Variants in CTNND2 observed in about 807,000 individuals in gnomAD.
CTNND2 encodes the protein catenin delta-2.
A neutral mutation model predicts 144.4 loss-of-function variants in CTNND2; 22 were observed. The ratio of observed to expected loss-of-function variants is 0.15; its 90% CI spans 0.11 to 0.22. The LOEUF (loss-of-function observed/expected upper bound fraction) is 0.22. Ranked by LOEUF, CTNND2 falls within the 10% of genes least tolerant of loss-of-function variation. The probability of loss-of-function intolerance (pLI) is 1.00; values close to 1 mark genes in which losing one functional copy is unlikely to be tolerated. For synonymous variants in CTNND2, 751 were observed against 695.6 expected, an observed-to-expected ratio of 1.08 and a Z score of -1.25; for missense variants, 1,353 against 1,618.8, an observed-to-expected ratio of 0.84 and a Z score of 2.82.
At chr5:11,786,142 C>G (rs1322356912) in intron 1 of CTNND2, among the ~76,000 whole-genome samples, 3 of 152,226 alleles carry the variant, frequency 2.0e-5, no homozygotes, top group African/African-American at 7.2e-5. Flanking sequence ...ACCCAGCCAT[C>G]TCACAACAAC....
chr5:11,714,293 C>T (rs1786216939), intron 2 of CTNND2, among the ~76,000 whole-genome samples: 1 of 152,132 alleles, frequency 6.6e-6, no homozygotes, highest in Non-Finnish European at 1.5e-5. Flanking sequence ...TTTTATTTTC[C>T]TAGGGATAAT....
chr5:11,492,503 ATATGTG>A (rs1363717842), intron 3 of CTNND2, among the ~76,000 whole-genome samples: 2,485 of 122,572 alleles, frequency 0.02, 63 homozygotes, highest in African/African-American at 0.082. Flanking sequence ...ATATATATAT[ATATGTG>A]TGTGTGTGTG....
At chr5:11,865,430 G>GA (rs11369021) in intron 1 of CTNND2, among the ~76,000 whole-genome samples, 99,427 of 151,954 alleles carry the variant, frequency 0.65, 33,163 homozygotes, top group East Asian at 0.81. Flanking sequence ...ACTTCAAAAA[G>GA]AAGGGAAAAG....
intron 5 of CTNND2, among the ~76,000 whole-genome samples, chr5:11,405,775 G>T (rs6875673): frequency 2.6e-5 from 4 of 151,960 alleles, no homozygotes; most frequent in Non-Finnish European, 4.4e-5. Flanking sequence ...CCCGAGGTAG[G>T]GGGGGAAGTG....
intron 1 of CTNND2, among the ~76,000 whole-genome samples, chr5:11,796,655 T>G (rs568993361): frequency 8.0e-4 from 122 of 152,300 alleles, no homozygotes; most frequent in Non-Finnish European, 3.4e-4. Context: ...GCCCAATCTG[T>G]TTTTTGAAAA....
chr5:11,499,253 A>G (rs1228672832), intron 3 of CTNND2, among the ~76,000 whole-genome samples: 5 of 152,148 alleles, frequency 3.3e-5, no homozygotes, highest in African/African-American at 4.8e-5. Context: ...AAACCTATCT[A>G]TGGATACCAG....
At chr5:11,446,584 T>A (rs547913192) in intron 3 of CTNND2, among the ~76,000 whole-genome samples, 1 of 152,254 alleles carries the variant, frequency 6.6e-6, no homozygotes, top group East Asian at 1.9e-4. Flanking sequence ...GACTTGGAGC[T>A]GTAAAAACTA....
intron 9 of CTNND2, among the ~76,000 whole-genome samples, chr5:11,338,811 G>C (rs1015617894): frequency 2.6e-5 from 4 of 152,134 alleles, no homozygotes; most frequent in African/African-American, 9.7e-5. Flanking sequence ...ACTGATAAAA[G>C]AACTCTTGAA....
chr5:11,510,805 C>A (rs1348611891), intron 3 of CTNND2, among the ~76,000 whole-genome samples: 3 of 152,078 alleles, frequency 2.0e-5, no homozygotes, highest in Non-Finnish European at 4.4e-5. Flanking sequence ...GTGGCACATG[C>A]ATGTAGTCCC....
chr5:11,124,358 T>C (rs1754446577), intron 12 of CTNND2, among the ~76,000 whole-genome samples: 1 of 152,222 alleles, frequency 6.6e-6, no homozygotes, highest in South Asian at 2.1e-4. Context: ...AGAACATCCT[T>C]ACATCCTCGA....
chr5:11,725,639 A>G (rs1786975714), intron 2 of CTNND2, among the ~76,000 whole-genome samples: 1 of 152,190 alleles, frequency 6.6e-6, no homozygotes, highest in South Asian at 2.1e-4. Flanking sequence ...TAAAACATAA[A>G]GTCTCAGTTT....
Position 11,903,431 on chromosome 5 carries a change from C to T in CTNND2, c.37+386G>A. On this transcript the variant is annotated intron_variant, in intron 1 of 21. Coordinates refer to ENST00000304623, the MANE Select transcript of CTNND2 (RefSeq NM_001332.4). The surrounding 1 kb of genome is among the most constrained non-coding windows in gnomAD (Gnocchi z 5.4). Reference sequence around the variant, plus strand: ...AAGACTGGAGGGAAGTCCTCCCCACCCCCACCCCGTCTCCTCCCGTATATT... The same window carrying T: ...AAGACTGGAGGGAAGTCCTCCCCACTCCCACCCCGTCTCCTCCCGTATATT... 3.0e-6 allele frequency: 3 copies of T among 990,404 alleles called. No individual in the cohort carries two copies. Among genetic ancestry groups the T allele is most frequent in the Non-Finnish European group, 3.7e-6 (3 of 816,152 alleles). 61.4% of individuals were successfully genotyped at this position (990,404 alleles called of 1,614,324 possible).
chr5:11,522,705 T>C lies in CTNND2; in HGVS notation c.287+42239A>G, dbSNP rs1260531139. Among the ~76,000 whole-genome samples, 3 of 152,278 alleles carry C rather than the reference T, an allele frequency of 2.0e-5. No homozygotes were observed. The East Asian group carries it at 5.8e-4, about 29-fold the overall frequency. On this transcript the variant is annotated intron_variant, in intron 3 of 21. Coordinates refer to ENST00000304623, the MANE Select transcript of CTNND2 (RefSeq NM_001332.4). ...ATTCATTCTAATCACAGTTGACTCA[T>C]GACAAGATGGCAGACAGGACCATAG...
chr5:11,223,273 T>C (rs1182928382), intron 10 of CTNND2, among the ~76,000 whole-genome samples: 1 of 152,194 alleles, frequency 6.6e-6, no homozygotes, highest in Non-Finnish European at 1.5e-5. Context: ...GAAGGGACCT[T>C]TAAGCATAAA....
chr5:11,374,119 A>G (rs1036794966), intron 7 of CTNND2, among the ~76,000 whole-genome samples: 5 of 152,164 alleles, frequency 3.3e-5, no homozygotes, highest in Non-Finnish European at 7.4e-5. Flanking sequence ...GCTATAAAGA[A>G]CTACTGTAAC....
At chr5:11,096,891 T>C (rs997150736) in intron 15 of CTNND2, among the ~76,000 whole-genome samples, 2 of 152,126 alleles carry the variant, frequency 1.3e-5, no homozygotes, top group Admixed American at 6.5e-5. Flanking sequence ...GTCAGGCTGA[T>C]GCCTGAAGCC....
chr5:11,683,164 C>T (rs1277183982), intron 2 of CTNND2, among the ~76,000 whole-genome samples: 2 of 152,148 alleles, frequency 1.3e-5, no homozygotes, highest in African/African-American at 2.4e-5. Context: ...ACGCATTTTA[C>T]CCTTCACTTG....
At chr5:11,540,855 T>C (rs1774665511) in intron 3 of CTNND2, among the ~76,000 whole-genome samples, 1 of 152,232 alleles carries the variant, frequency 6.6e-6, no homozygotes, top group African/African-American at 2.4e-5. Flanking sequence ...TACTTACCTC[T>C]AGTATGAGAG....
At chr5:11,464,611 T>C (rs1428833454) in intron 3 of CTNND2, among the ~76,000 whole-genome samples, 1 of 152,170 alleles carries the variant, frequency 6.6e-6, no homozygotes, top group Non-Finnish European at 1.5e-5. Flanking sequence ...TTAATTATTA[T>C]GCTGATACTT....
Sources: gnomAD v4.1 joint callset for allele counts (sites outside exome capture counted in the v4.1 genomes callset) on GRCh38, gnomAD v4.1.1 for gene constraint, Gnocchi (gnomAD v3.1) non-coding constraint, MANE v1.5 for transcripts, NCBI Gene and HGNC (gene_info 2026-07-23, HGNC 2026-07-21) for gene names.